CDC42BPA: variants seen among roughly 807,000 people sequenced by gnomAD.
The protein encoded by CDC42BPA is CDC42 binding protein kinase alpha.
CDC42BPA carries 80 observed loss-of-function variants against 223.5 expected under a neutral mutation model. The observed-to-expected ratio is 0.36, with a 90% CI of 0.30 to 0.43. The LOEUF (loss-of-function observed/expected upper bound fraction) is 0.43. CDC42BPA is among the 20% of genes least tolerant of loss of function. The probability of loss-of-function intolerance (pLI) is 1.00; values close to 1 mark genes in which losing one functional copy is unlikely to be tolerated. For missense variants in CDC42BPA, 1,743 were observed against 2,099.9 expected (o/e 0.83, Z 3.32); for synonymous variants, 694 against 718.6 (o/e 0.97, Z 0.55).
chr1:227,168,495 GTGT>G (rs1665459165), intron 5 of CDC42BPA, among the ~76,000 whole-genome samples: 1 of 15,732 alleles, frequency 6.4e-5, no homozygotes, highest in Admixed American at 3.8e-4. Flanking sequence ...ATCTTCCCTG[GTGT>G]TTTTTTTTTT....
chr1:227,297,979 CACATATATACATAT>C (rs1304400362), intron 1 of CDC42BPA, among the ~76,000 whole-genome samples: 3 of 130,830 alleles, frequency 2.3e-5, no homozygotes, highest in Non-Finnish European at 3.2e-5. Flanking sequence ...CACACACACA[CACATATATACATAT>C]ATATACATAT....
chr1:227,198,453 G>GAAAAAAAAAAAAAAA (rs10659956), intron 4 of CDC42BPA, among the ~76,000 whole-genome samples: 1 of 98,852 alleles, frequency 1.0e-5, no homozygotes, highest in Non-Finnish European at 2.0e-5. Context: ...AAAAAAAAAA[G>GAAAAAAAAAAAAAAA]AAAAGAAAGA....
intron 1 of CDC42BPA, among the ~76,000 whole-genome samples, chr1:227,276,182 G>A (rs1436138174): frequency 4.0e-5 from 6 of 148,752 alleles, no homozygotes; most frequent in Non-Finnish European, 1.5e-5. Context: ...GCCGCCCATC[G>A]TCTGAGATGT....
intron 21 of CDC42BPA, among the ~76,000 whole-genome samples, chr1:227,052,817 T>C (rs949599342): frequency 6.6e-6 from 1 of 152,118 alleles, no homozygotes; most frequent in Non-Finnish European, 1.5e-5. Context: ...TTGTTCTTAC[T>C]ATGGCTATAT....
chr1:227,201,326 T>C (rs1671716304), intron 3 of CDC42BPA, among the ~76,000 whole-genome samples: 1 of 151,896 alleles, frequency 6.6e-6, no homozygotes, highest in Non-Finnish European at 1.5e-5. Flanking sequence ...TTTTTATCTC[T>C]TTCTAGAGAC....
chr1:227,172,865 T>C (rs1666333888), intron 5 of CDC42BPA, among the ~76,000 whole-genome samples: 1 of 152,198 alleles, frequency 6.6e-6, no homozygotes, highest in African/African-American at 2.4e-5. Flanking sequence ...CTTTAACAAA[T>C]ACTTGTATGT....
In CDC42BPA at chr1:226,993,296, T is replaced by A. The variant is rs991972587; in HGVS notation, c.*972A>T. On this transcript the variant is annotated 3_prime_UTR_variant, in exon 37 of 37. Transcript: ENST00000366766. ...GTGACAGAATCGTGTATTTCTACAT[T>A]TATCTGCGGAAGATAAAATACAATA... The A allele has an allele frequency of 1.3e-5, 2 of 152,240 alleles. No individual in the cohort carries two copies. Among genetic ancestry groups the A allele is most frequent in the African/African-American group, 2.4e-5 (1 of 41,456 alleles). 9.4% of individuals were successfully genotyped at this position (152,240 alleles called of 1,614,324 possible).
chr1:227,064,088 G>C (rs1676488410), intron 21 of CDC42BPA, among the ~76,000 whole-genome samples: 1 of 152,046 alleles, frequency 6.6e-6, no homozygotes, highest in Non-Finnish European at 1.5e-5. Flanking sequence ...ATATTAGGGG[G>C]ACCAGACTGT....
At chr1:227,234,157 C>T (rs538061967) in intron 2 of CDC42BPA, 6 of 152,220 alleles carry the variant, frequency 3.9e-5, no homozygotes, top group African/African-American at 1.4e-4. Flanking sequence ...TCAGTAAATC[C>T]AGGATCCAGA....
chr1:227,041,437 T>A (rs575030486), intron 23 of CDC42BPA, among the ~76,000 whole-genome samples: 1 of 152,214 alleles, frequency 6.6e-6, no homozygotes, highest in Non-Finnish European at 1.5e-5. Context: ...CTCTACTCCA[T>A]ATTCTAATAA....
At chr1:227,018,032 A>AATTATT (rs56236828) in intron 32 of CDC42BPA, among the ~76,000 whole-genome samples, 53,822 of 144,890 alleles carry the variant, frequency 0.37, 10,785 homozygotes, top group East Asian at 0.57. Flanking sequence ...TTAAAAATAG[A>AATTATT]ATTATTATTA....
At chr1:227,009,646 G>A (rs1664785944) in intron 34 of CDC42BPA, among the ~76,000 whole-genome samples, 1 of 151,906 alleles carries the variant, frequency 6.6e-6, no homozygotes, top group Non-Finnish European at 1.5e-5. Flanking sequence ...AAACTCCTAG[G>A]CTCAAGTGGT....
intron 14 of CDC42BPA, among the ~76,000 whole-genome samples, chr1:227,111,679 C>T (rs978587409): frequency 2.0e-5 from 3 of 152,010 alleles, no homozygotes; most frequent in Non-Finnish European, 4.4e-5. Flanking sequence ...GATGGGGTTT[C>T]GCCATGTTGG....
intron 1 of CDC42BPA, among the ~76,000 whole-genome samples, chr1:227,287,107 A>G (rs1416657969): frequency 6.6e-6 from 1 of 152,204 alleles, no homozygotes; most frequent in Non-Finnish European, 1.5e-5. Flanking sequence ...AAAACTTCCA[A>G]ACTACATCAA....
At chr1:227,166,565 C>T (rs1019981519) in intron 5 of CDC42BPA, among the ~76,000 whole-genome samples, 1 of 152,156 alleles carries the variant, frequency 6.6e-6, no homozygotes, top group Non-Finnish European at 1.5e-5. Flanking sequence ...CTGAGGTTTC[C>T]TTTTTCCTTC....
intron 17 of CDC42BPA, among the ~76,000 whole-genome samples, chr1:227,076,840 C>T (rs1342912099): frequency 6.6e-6 from 1 of 152,162 alleles, no homozygotes; most frequent in African/African-American, 2.4e-5. Context: ...CCCCAAACAT[C>T]CCATTTTCCC....
At chr1:227,019,850 G>C (rs1421905771) in intron 32 of CDC42BPA, among the ~76,000 whole-genome samples, 1 of 152,092 alleles carries the variant, frequency 6.6e-6, no homozygotes, top group Non-Finnish European at 1.5e-5. Flanking sequence ...TTGCCATCCA[G>C]ACTTTGTTGT....
intron 10 of CDC42BPA, among the ~76,000 whole-genome samples, chr1:227,132,306 T>A (rs1405522792): frequency 1.3e-5 from 2 of 152,110 alleles, no homozygotes; most frequent in Admixed American, 6.5e-5. Flanking sequence ...GGTTTTCGTA[T>A]TTTTTTGGTG....
intron 1 of CDC42BPA, among the ~76,000 whole-genome samples, chr1:227,299,024 T>C (rs1367541686): frequency 6.6e-6 from 1 of 152,152 alleles, no homozygotes; most frequent in Non-Finnish European, 1.5e-5. Flanking sequence ...ACAGTTAAAG[T>C]GAAAGTCATT....
Sources: allele counts gnomAD v4.1 joint callset (sites outside exome capture counted in the v4.1 genomes callset), GRCh38; gene constraint gnomAD v4.1.1; transcripts MANE v1.5; gene names NCBI Gene and HGNC (gene_info 2026-07-23, HGNC 2026-07-21).